Variants in SCFD2 observed in about 807,000 individuals in gnomAD.
SCFD2 encodes the protein sec1 family domain containing 2.
SCFD2 carries 54 observed loss-of-function variants against 58.9 expected under a neutral mutation model. That is an observed-to-expected ratio of 0.92 (90% CI 0.74 to 1.15). The LOEUF (loss-of-function observed/expected upper bound fraction) is 1.15, where lower values mean the gene tolerates loss of function less well. Ranked by LOEUF, SCFD2 falls within the 50% of genes most tolerant of loss-of-function variation. SCFD2 has a pLI of 0.00. For synonymous variants in SCFD2, 321 were observed against 335.9 expected, an observed-to-expected ratio of 0.96 and a Z score of 0.49; for missense variants, 805 against 836.6, an observed-to-expected ratio of 0.96 and a Z score of 0.47.
At chr4:53,105,498 G>A (rs555817752) in intron 5 of SCFD2, among the ~76,000 whole-genome samples, 16 of 152,272 alleles carry the variant, frequency 1.1e-4, no homozygotes, top group African/African-American at 2.9e-4. Flanking sequence ...GACCTTGGTC[G>A]GGGGAGGGGT....
At position 52,920,799 on chromosome 4, in the gene SCFD2, G is replaced by A. The variant is rs149566585; in HGVS notation, c.1633C>T (p.Arg545Trp). ...AGACTCCGAGCTCCAGCAATATCCC[G>A]AAGTGAAGTAAAGAGTTCATCCACG... is the stretch of plus-strand genomic sequence containing the variant. Reference protein sequence around the residue: ...IAVDELFTSLRDIAGARSLLK... With the variant: ...IAVDELFTSLWDIAGARSLLK... Residue 545 changes from arginine to tryptophan, a missense_variant, in exon 6 of 9, where the codon CGG becomes TGG. Arg to Trp is a moderately radical substitution (Grantham distance 101). Around this residue, in one of 3 missense-constraint regions of SCFD2, gnomAD observed 633 missense variants for 646.8 expected, o/e 0.98. Coordinates refer to ENST00000401642, the MANE Select transcript of SCFD2 (RefSeq NM_152540.4). 295 of 1,610,682 alleles carry A rather than the reference G, an allele frequency of 1.8e-4. No individual in the cohort carries two copies. The highest frequency in any genetic ancestry group is 1.2e-3 in the Middle Eastern group (7 of 6,080).
At chr4:53,223,380 A>T (rs1168378554) in intron 4 of SCFD2, among the ~76,000 whole-genome samples, 1 of 152,232 alleles carries the variant, frequency 6.6e-6, no homozygotes, top group Non-Finnish European at 1.5e-5. Flanking sequence ...ATAGTTCATC[A>T]GTCACTAGGA....
intron 1 of SCFD2, among the ~76,000 whole-genome samples, chr4:53,353,236 T>A (rs1251936894): frequency 6.6e-6 from 1 of 152,116 alleles, no homozygotes; most frequent in Non-Finnish European, 1.5e-5. Flanking sequence ...GTGTTACAGC[T>A]CTTAAGGCAG....
chr4:53,138,338 T>C (rs1245953945), intron 5 of SCFD2, among the ~76,000 whole-genome samples: 1 of 152,184 alleles, frequency 6.6e-6, no homozygotes, highest in Non-Finnish European at 1.5e-5. Flanking sequence ...AACACTATGC[T>C]TTTTTTGATA....
rs561130690 is a variant in SCFD2 at position 53,328,812 on chromosome 4, T to G, written c.1008-15049A>C. 3.9e-5 allele frequency among the ~76,000 whole-genome samples: 6 copies of G among 152,316 alleles called. No homozygotes were observed. In the East Asian group the frequency reaches 1.2e-3, roughly 29 times the overall value. On this transcript the variant is annotated intron_variant, in intron 2 of 8. Transcript: ENST00000401642. ...TGAGTGACGCAGAAGACAGGTGATT[T>G]CTGCATTTCCATCTGAGGTACCAGG...
intron 2 of SCFD2, among the ~76,000 whole-genome samples, chr4:53,325,797 C>T (rs936548810): frequency 2.3e-4 from 35 of 152,308 alleles, no homozygotes; most frequent in African/African-American, 7.5e-4. Flanking sequence ...ATTAACCCTT[C>T]AGTTCAAACA....
intron 5 of SCFD2, among the ~76,000 whole-genome samples, chr4:53,014,183 G>A (rs138125714): frequency 6.6e-6 from 1 of 152,346 alleles, no homozygotes; most frequent in African/African-American, 2.4e-5. Context: ...CTATGAGACA[G>A]AGGAGGCTTC....
intron 5 of SCFD2, among the ~76,000 whole-genome samples, chr4:53,049,269 C>T (rs1014813856): frequency 6.6e-6 from 1 of 152,140 alleles, no homozygotes; most frequent in Non-Finnish European, 1.5e-5. Flanking sequence ...AGTCTTGTGA[C>T]ATGGAACTCT....
intron 4 of SCFD2, among the ~76,000 whole-genome samples, chr4:53,217,502 T>G (rs962494112): frequency 1.3e-5 from 2 of 152,218 alleles, no homozygotes; most frequent in Non-Finnish European, 2.9e-5. Context: ...TTGGTAGATC[T>G]TCCTCCATCC....
At chr4:52,997,329 G>A (rs776539219) in intron 5 of SCFD2, among the ~76,000 whole-genome samples, 2 of 152,222 alleles carry the variant, frequency 1.3e-5, no homozygotes, top group African/African-American at 4.8e-5. Flanking sequence ...TGGATCAAGG[G>A]ATCAAAGAGC....
chr4:53,047,184 T>C (rs1323129073), intron 5 of SCFD2, among the ~76,000 whole-genome samples: 1 of 152,190 alleles, frequency 6.6e-6, no homozygotes, highest in Non-Finnish European at 1.5e-5. Flanking sequence ...CAGTGGCTGA[T>C]AACCTATAAT....
intron 4 of SCFD2, among the ~76,000 whole-genome samples, chr4:53,233,045 T>G (rs1019200776): frequency 5.9e-5 from 9 of 152,196 alleles, no homozygotes; most frequent in Non-Finnish European, 1.2e-4. Flanking sequence ...CTAGGTATTC[T>G]GCCAGCCTAG....
intron 2 of SCFD2, among the ~76,000 whole-genome samples, chr4:53,335,253 T>C (rs550566500): frequency 6.7e-6 from 1 of 150,028 alleles, no homozygotes; most frequent in African/African-American, 2.4e-5. Flanking sequence ...CCAGCATCAC[T>C]TCTGTGATAT....
chr4:53,330,208 A>G (rs1292610097), intron 2 of SCFD2, among the ~76,000 whole-genome samples: 1 of 152,212 alleles, frequency 6.6e-6, no homozygotes, highest in Non-Finnish European at 1.5e-5. Flanking sequence ...CAATCTCGCA[A>G]GGCAAGCCAA....
intron 5 of SCFD2, among the ~76,000 whole-genome samples, chr4:53,090,521 A>G (rs1724438632): frequency 6.6e-6 from 1 of 152,202 alleles, no homozygotes; most frequent in Non-Finnish European, 1.5e-5. Context: ...GAGAGAGTAC[A>G]AGAAAGGATC....
At chr4:52,978,408 T>C (rs1721300505) in intron 5 of SCFD2, among the ~76,000 whole-genome samples, 2 of 152,178 alleles carry the variant, frequency 1.3e-5, no homozygotes, top group Admixed American at 6.5e-5. Flanking sequence ...GCCTGAATTA[T>C]GTATATCTTA....
chr4:53,210,069 G>C (rs1449277221), intron 4 of SCFD2, among the ~76,000 whole-genome samples: 1 of 152,072 alleles, frequency 6.6e-6, no homozygotes, highest in Admixed American at 6.5e-5. Context: ...ATTTCAGAAA[G>C]TGGGTTCACT....
chr4:53,231,085 GTA>G (rs1439454856), intron 4 of SCFD2, among the ~76,000 whole-genome samples: 1 of 151,994 alleles, frequency 6.6e-6, no homozygotes, highest in East Asian at 1.9e-4. Context: ...ATTATTATAG[GTA>G]TATGCATAAG....
At chr4:52,985,208 T>C (rs541583613) in intron 5 of SCFD2, among the ~76,000 whole-genome samples, 7 of 152,332 alleles carry the variant, frequency 4.6e-5, no homozygotes, top group Non-Finnish European at 1.0e-4. Context: ...AGGGTCATCC[T>C]TGCCCTGCTC....
Sources: allele counts gnomAD v4.1 joint callset (sites outside exome capture counted in the v4.1 genomes callset), GRCh38; gene constraint gnomAD v4.1.1; regional missense constraint gnomAD v4.1.1; transcripts MANE v1.5; gene names NCBI Gene and HGNC (gene_info 2026-07-23, HGNC 2026-07-21).